NAV2: variants seen among roughly 807,000 people sequenced by gnomAD.
The protein encoded by NAV2 is neuron navigator 2, also known as helicase, APC down-regulated 1.
Under a neutral mutation model 223.2 loss-of-function variants are expected in NAV2, and 54 were observed. That is an observed-to-expected ratio of 0.24 (90% CI 0.19 to 0.30). NAV2 has a LOEUF of 0.30. NAV2 is among the 10% of genes least tolerant of loss of function. NAV2 has a pLI of 1.00. For missense variants in NAV2, 2,806 were observed against 3,147.5 expected (o/e 0.89, Z 2.60); for synonymous variants, 1,279 against 1,239.3 (o/e 1.03, Z -0.67).
At chr11:20,077,758 A>G in intron 23 of NAV2, 123 bp downstream of exon 23, 2 of 822,832 alleles carry the variant, frequency 2.4e-6, no homozygotes, top group Non-Finnish European at 4.0e-6. Context: ...TTAAAGTTTA[A>G]TTGTAAGGAG....
intron 16 of NAV2, among the ~76,000 whole-genome samples, chr11:20,050,201 G>GCCT (rs2057842806): frequency 6.6e-6 from 1 of 152,128 alleles, no homozygotes; most frequent in African/African-American, 2.4e-5. Flanking sequence ...GCCTCCTGTG[G>GCCT]CATGTTCCTG....
chr11:19,578,813 C>T (rs2045636742), intron 1 of NAV2, among the ~76,000 whole-genome samples: 2 of 152,084 alleles, frequency 1.3e-5, no homozygotes, highest in African/African-American at 2.4e-5. Context: ...GAGCGGATGA[C>T]CCTAAAGCCT....
At chr11:20,052,628 G>T (rs933898087) in intron 17 of NAV2, among the ~76,000 whole-genome samples, 2 of 152,154 alleles carry the variant, frequency 1.3e-5, no homozygotes, top group African/African-American at 4.8e-5. Context: ...TGTAGCTCTG[G>T]TTTTTTAAAA....
At chr11:19,677,566 T>C (rs776538959) in intron 1 of NAV2, among the ~76,000 whole-genome samples, 2 of 152,372 alleles carry the variant, frequency 1.3e-5, no homozygotes, top group Middle Eastern at 3.4e-3. Flanking sequence ...CAAGACAGAA[T>C]GACTCCTAAA....
chr11:19,621,764 G>A (rs147498568), intron 1 of NAV2, among the ~76,000 whole-genome samples: 388 of 151,906 alleles, frequency 2.6e-3, no homozygotes, highest in African/African-American at 8.7e-3. Context: ...CTTCAGTTCC[G>A]CTCTGATCTT....
chr11:19,451,162 C>T (rs1851776067), intron 1 of NAV2, among the ~76,000 whole-genome samples: 1 of 152,170 alleles, frequency 6.6e-6, no homozygotes, highest in East Asian at 1.9e-4. Flanking sequence ...AGGGACATAG[C>T]TCTGTCTGCC....
At chr11:19,948,130 G>A (rs2047084873) in intron 9 of NAV2, among the ~76,000 whole-genome samples, 1 of 151,846 alleles carries the variant, frequency 6.6e-6, no homozygotes, top group South Asian at 2.1e-4. Context: ...TCTGTCGGCA[G>A]GCTGGAGTGC....
At chr11:19,549,952 C>T (rs550811565) in intron 1 of NAV2, among the ~76,000 whole-genome samples, 1 of 152,332 alleles carries the variant, frequency 6.6e-6, no homozygotes, top group African/African-American at 2.4e-5. Context: ...GGAGATGGAG[C>T]AGGGAAAGCA....
chr11:19,604,533 T>G (rs1208360332), intron 1 of NAV2, among the ~76,000 whole-genome samples: 3 of 150,732 alleles, frequency 2.0e-5, no homozygotes, highest in Non-Finnish European at 4.4e-5. Context: ...GGGGACATAT[T>G]AGATATTGGT....
At chr11:19,442,617 G>C (rs1851445346) in intron 1 of NAV2, among the ~76,000 whole-genome samples, 1 of 152,192 alleles carries the variant, frequency 6.6e-6, no homozygotes, top group East Asian at 1.9e-4. Context: ...AGAGGGCAGG[G>C]CTCAGGTGGC....
At chr11:19,444,659 T>A (rs1439396857) in intron 1 of NAV2, among the ~76,000 whole-genome samples, 16 of 152,298 alleles carry the variant, frequency 1.1e-4, no homozygotes, top group African/African-American at 3.9e-4. Context: ...GGATCTTACC[T>A]GTTAAAGCAG....
rs188672679 is a variant in NAV2, at chr11:19,678,024, G to T, written c.76-154460G>T. Reference sequence around the variant, plus strand: ...GAGGAGAAGAGAATCCATCCCTATTGTCAGGTTGGGGACTGGCCAGAGACC... The same window carrying T: ...GAGGAGAAGAGAATCCATCCCTATTTTCAGGTTGGGGACTGGCCAGAGACC... On this transcript the variant is annotated intron_variant, in intron 1 of 37. Transcript: ENST00000360655. 3.0e-3 allele frequency among the ~76,000 whole-genome samples: 452 copies of T among 152,250 alleles called. 4 individuals are homozygous for T. Among genetic ancestry groups the T allele is most frequent in the African/African-American group, 0.01 (432 of 41,530 alleles).
chr11:19,692,115 C>T (rs1007218440), intron 1 of NAV2, among the ~76,000 whole-genome samples: 1 of 152,206 alleles, frequency 6.6e-6, no homozygotes, highest in Non-Finnish European at 1.5e-5. Context: ...TCTTCTCCTG[C>T]CAAAATACAT....
At chr11:19,845,163 T>G (rs1020589037) in intron 3 of NAV2, among the ~76,000 whole-genome samples, 1 of 152,222 alleles carries the variant, frequency 6.6e-6, no homozygotes, top group Non-Finnish European at 1.5e-5. Flanking sequence ...GACACCTGTG[T>G]GCACACAAGC....
upstream of NAV2, among the ~76,000 whole-genome samples, chr11:19,709,741 C>T (rs1036540882): frequency 2.0e-5 from 3 of 151,460 alleles, no homozygotes; most frequent in African/African-American, 4.9e-5. Flanking sequence ...GCCAAGATCG[C>T]GCCATTGCAC....
At chr11:20,033,045 G>A (rs11025359) in intron 11 of NAV2, among the ~76,000 whole-genome samples, 23,031 of 152,212 alleles carry the variant, frequency 0.15, 1,989 homozygotes, top group African/African-American at 0.23. Context: ...GGGAACAGCC[G>A]TTGTTGCTAC....
chr11:19,690,769 G>C lies in NAV2; in HGVS notation c.76-141715G>C, dbSNP rs2049150872. Reference sequence around the variant, plus strand: ...CTGGTGCAAGAGAAAGCTCCTGCAGGAACTTTGAAGTTCTTCTAGTCCAGG... The same window carrying C: ...CTGGTGCAAGAGAAAGCTCCTGCAGCAACTTTGAAGTTCTTCTAGTCCAGG... On this transcript the variant is annotated intron_variant, in intron 1 of 37. Coordinates refer to the NAV2 transcript ENST00000360655. Among the ~76,000 whole-genome samples the C allele has an allele frequency of 2.0e-5, 3 of 152,168 alleles. No homozygotes were observed. The South Asian group carries it at 6.2e-4, about 31-fold the overall frequency.
At chr11:20,059,183 C>T (rs1369017162) in intron 19 of NAV2, among the ~76,000 whole-genome samples, 1 of 152,126 alleles carries the variant, frequency 6.6e-6, no homozygotes, top group Non-Finnish European at 1.5e-5. Context: ...GTCCATTAGC[C>T]ATCAGCACTG....
chr11:19,731,480 A>G (rs536744487), intron 1 of NAV2, among the ~76,000 whole-genome samples: 1 of 152,358 alleles, frequency 6.6e-6, no homozygotes, highest in East Asian at 1.9e-4. Flanking sequence ...ACAGGCTAGT[A>G]GGGGAGAGAG....
Sources: gnomAD v4.1 joint callset for allele counts (sites outside exome capture counted in the v4.1 genomes callset) on GRCh38, gnomAD v4.1.1 for gene constraint, MANE v1.5 for transcripts, NCBI Gene and HGNC (gene_info 2026-07-23, HGNC 2026-07-21) for gene names.